TRABD2A: variants seen among roughly 807,000 people sequenced by gnomAD.
TRABD2A encodes TraB domain containing 2A.
In TRABD2A, 43 loss-of-function variants were observed where a neutral mutation model predicts 45.6. The observed-to-expected ratio is 0.94, with a 90% CI of 0.74 to 1.22. The LOEUF is 1.22. Among genes scored for constraint, TRABD2A ranks in the 50% most tolerant of loss-of-function variants. The probability of loss-of-function intolerance (pLI) is 0.00; values close to 1 mark genes in which losing one functional copy is unlikely to be tolerated. For synonymous variants in TRABD2A, 269 were observed against 265.0 expected (o/e 1.02, Z -0.15); for missense variants, 642 against 652.4 (o/e 0.98, Z 0.17).
chr2:84,863,239 C>CTTTT (rs773927512), intron 2 of TRABD2A, among the ~76,000 whole-genome samples: 84 of 98,132 alleles, frequency 8.6e-4, no homozygotes, highest in African/African-American at 1.4e-3. Context: ...TCATGTGAAT[C>CTTTT]TTTTTTTTTT....
At chr2:84,871,326 C>T (rs1347304741) in intron 1 of TRABD2A, among the ~76,000 whole-genome samples, 1 of 152,140 alleles carries the variant, frequency 6.6e-6, no homozygotes, top group East Asian at 1.9e-4. Flanking sequence ...CCTGATGATC[C>T]CTGCTCTTTC....
chr2:84,879,656 G>C, intron 1 of TRABD2A: 9 of 970,386 alleles, frequency 9.3e-6, no homozygotes, highest in Non-Finnish European at 9.8e-6. Flanking sequence ...TTTCTTGTGA[G>C]GAGATGGACT....
At chr2:84,839,373 C>A (rs902897730) in intron 3 of TRABD2A, 50 bp from the exon 4 acceptor site, 9 of 1,517,734 alleles carry the variant, frequency 5.9e-6, no homozygotes, top group Non-Finnish European at 7.1e-6. Flanking sequence ...GAGTTATTAA[C>A]AAAGTTACTT....
chr2:84,874,995 G>A (rs1380283218), intron 1 of TRABD2A: 2 of 166,796 alleles, frequency 1.2e-5, no homozygotes, highest in African/African-American at 4.8e-5. Context: ...CCATTAAAGA[G>A]ATCCTGGGGA....
At position 84,824,219 on chromosome 2, in the gene TRABD2A, AAGG is replaced by A. The variant is rs1410951471; in HGVS notation, c.1083-18_1083-16del. On this transcript the variant is annotated splice_polypyrimidine_tract_variant and intron_variant, in intron 5 of 6. Transcript: ENST00000409520. ...TACTCTTCCCTCTGTACGCAAGTGG[AAGG>A]AGAAGGTATTTGGAGGAGGGTCACA... The A allele has an allele frequency of 6.2e-7, 1 of 1,613,438 alleles. No individual in the cohort carries two copies. Among genetic ancestry groups the A allele is most frequent in the Non-Finnish European group, 8.5e-7 (1 of 1,179,710 alleles).
At chr2:84,832,515 T>C in intron 4 of TRABD2A, 1 of 211,858 alleles carries the variant, frequency 4.7e-6, no homozygotes, top group Non-Finnish European at 9.7e-6. Context: ...ATACAAGAAT[T>C]CAAGCTGAGC....
Position 84,870,689 on chromosome 2 carries a change from A to G in TRABD2A, c.205T>C (p.Phe69Leu). Residue 69 changes from phenylalanine to leucine, a missense_variant, in exon 2 of 7, where the codon TTC becomes CTC. Transcript: ENST00000409520. ...IHVPYTRVWD[F>L]IPDNSKEAFL... is the part of the protein sequence containing the mutation. Reference sequence around the variant, plus strand: ...GCCTCCTTAGAGTTGTCGGGGATGAAGTCCCAAACTCGGGTGTACGGGACA... The same window carrying G: ...GCCTCCTTAGAGTTGTCGGGGATGAGGTCCCAAACTCGGGTGTACGGGACA... 1 of 1,606,902 alleles carries G rather than the reference A, an allele frequency of 6.2e-7. No individual in the cohort carries two copies. The highest frequency in any genetic ancestry group is 8.5e-7 in the Non-Finnish European group (1 of 1,176,608).
intron 6 of TRABD2A, among the ~76,000 whole-genome samples, chr2:84,822,463 G>A (rs961856699): frequency 6.6e-6 from 1 of 152,176 alleles, no homozygotes; most frequent in Non-Finnish European, 1.5e-5. Context: ...CAGAGGCAGA[G>A]CCAGACCATG....
intron 2 of TRABD2A, 31 bp downstream of exon 2, chr2:84,870,194 C>A: frequency 6.4e-7 from 1 of 1,569,450 alleles, no homozygotes; most frequent in South Asian, 1.2e-5. Flanking sequence ...AACCAAATGC[C>A]ACTAAGTCTT....
intron 5 of TRABD2A, among the ~76,000 whole-genome samples, chr2:84,827,536 C>A (rs1681185303): frequency 6.6e-6 from 1 of 152,204 alleles, no homozygotes; most frequent in African/African-American, 2.4e-5. Flanking sequence ...CCTAGCAGGG[C>A]TGACCAGAAC....
At chr2:84,851,796 C>G (rs188012021) in intron 2 of TRABD2A, among the ~76,000 whole-genome samples, 2 of 152,334 alleles carry the variant, frequency 1.3e-5, no homozygotes, top group Admixed American at 1.3e-4. Context: ...TGTAATGGTG[C>G]TCTGCTGGTA....
intron 1 of TRABD2A, chr2:84,874,783 A>G: frequency 4.1e-6 from 1 of 243,600 alleles, no homozygotes; most frequent in Non-Finnish European, 8.3e-6. Context: ...TCTGAGGACT[A>G]CAGTGAAACT....
At chr2:84,856,259 T>C (rs183392986) in intron 2 of TRABD2A, among the ~76,000 whole-genome samples, 1 of 152,072 alleles carries the variant, frequency 6.6e-6, no homozygotes, top group Admixed American at 6.5e-5. Flanking sequence ...CTCCGTGCAG[T>C]GGGGAGGTCC....
intron 2 of TRABD2A, among the ~76,000 whole-genome samples, chr2:84,857,764 C>T (rs559542958): frequency 6.6e-6 from 1 of 152,322 alleles, no homozygotes; most frequent in East Asian, 1.9e-4. Context: ...AGCAAAGAGG[C>T]AACCTCCAAC....
Position 84,839,154 on chromosome 2 carries a change from C to G in TRABD2A, c.986G>C (p.Gly329Ala). ...AGAGGTGACCCACTACTCACCAGCT[C>G]CAAAGGCAAAGAAGAAGCCTTTGTC... Reference protein sequence around the residue: ...FPDKGFFFAFGAGHFMGNNTV... With the variant: ...FPDKGFFFAFAAGHFMGNNTV... Residue 329 changes from glycine (G) to alanine (A), a missense_variant, in exon 4 of 7, where the codon GGA becomes GCA. Transcript: ENST00000409520. The G allele has an allele frequency of 6.2e-7, 1 of 1,613,910 alleles. No homozygotes were observed. The highest frequency in any genetic ancestry group is 8.5e-7 in the Non-Finnish European group (1 of 1,179,876).
chr2:84,871,518 G>C (rs1682871838), intron 1 of TRABD2A, among the ~76,000 whole-genome samples: 2 of 150,516 alleles, frequency 1.3e-5, no homozygotes, highest in African/African-American at 4.9e-5. Context: ...GTCTCACTCT[G>C]TTGCCCAGGC....
intron 2 of TRABD2A, among the ~76,000 whole-genome samples, chr2:84,846,146 A>G (rs191629831): frequency 4.6e-5 from 7 of 152,346 alleles, no homozygotes; most frequent in Non-Finnish European, 7.3e-5. Flanking sequence ...TGAGGAGACC[A>G]TACTATAAAC....
chr2:84,855,929 T>A lies in TRABD2A; in HGVS notation c.670-13922A>T, dbSNP rs1294025223. Among the ~76,000 whole-genome samples the A allele has an allele frequency of 2.0e-5, 3 of 151,932 alleles. No individual in the cohort carries two copies. The East Asian group carries it at 5.8e-4, about 30-fold the overall frequency. On this transcript the variant is annotated intron_variant, in intron 2 of 6. Coordinates refer to ENST00000409520, the MANE Select transcript of TRABD2A (RefSeq NM_001277053.2). Reference sequence around the variant, plus strand: ...TCTCTCCTCTTTCCAGCACTTTCATTCCCCTCAGATCAAAGACCTGCTCTG... The same window carrying A: ...TCTCTCCTCTTTCCAGCACTTTCATACCCCTCAGATCAAAGACCTGCTCTG...
At chr2:84,873,310 A>G (rs1017135387) in intron 1 of TRABD2A, among the ~76,000 whole-genome samples, 6 of 151,268 alleles carry the variant, frequency 4.0e-5, no homozygotes, top group Admixed American at 4.0e-4. Flanking sequence ...CAGCTACTCT[A>G]CTTAGGAGGC....
Sources: gnomAD v4.1 joint callset for allele counts (sites outside exome capture counted in the v4.1 genomes callset) on GRCh38, gnomAD v4.1.1 for gene constraint, MANE v1.5 for transcripts, NCBI Gene and HGNC (gene_info 2026-07-23, HGNC 2026-07-21) for gene names.